Variants in C16orf89 observed in about 807,000 individuals in gnomAD.
The protein encoded by C16orf89 is chromosome 16 open reading frame 89, also known as UPF0764 protein C16orf89.
C16orf89 carries 57 observed loss-of-function variants against 41.5 expected under a neutral mutation model. The observed-to-expected ratio is 1.38, with a 90% CI of 1.11 to 1.71. C16orf89 has a LOEUF of 1.71. C16orf89 is among the 40% of genes most tolerant of loss of function. The pLI, the probability that C16orf89 is intolerant of heterozygous loss-of-function variation, is 0.00. For synonymous variants in C16orf89, 223 were observed against 190.6 expected, an observed-to-expected ratio of 1.17 and a Z score of -1.40; for missense variants, 575 against 445.9, an observed-to-expected ratio of 1.29 and a Z score of -2.61.
intron 2 of C16orf89, 25 bp from the exon 3 acceptor site, chr16:5,060,461 G>T (rs1490089092): frequency 6.2e-7 from 1 of 1,601,998 alleles, no homozygotes; most frequent in African/African-American, 1.3e-5. Flanking sequence ...AGATAGATGG[G>T]GTGGGGTGTG....
chr16:5,061,971 C>T lies in C16orf89; in HGVS notation c.358+454G>A, dbSNP rs377013646. The stretch of plus-strand genomic sequence containing the variant: ...TCATAAGGCATGAGAAAGATAAACC[C>T]CACTGTTTTGAAAAATAGTGTGTGG... On this transcript the variant is annotated intron_variant, in intron 2 of 7. Transcript: ENST00000472572. Among the ~76,000 whole-genome samples, 3 of 152,112 alleles carry T rather than the reference C, an allele frequency of 2.0e-5. No homozygotes were observed. The East Asian group carries it at 5.8e-4, about 29-fold the overall frequency.
rs1293789733 is a variant in C16orf89 at position 5,065,792 on chromosome 16, G to C, written c.117C>G (p.Ile39Met). The change falls in exon 1 of 8, where the codon ATC becomes ATG. Residue 39 changes from isoleucine to methionine, a missense_variant. Ile to Met is a conservative substitution (Grantham distance 10). Transcript: ENST00000472572. ...AESKATIADL[I>M]LSALERATVF... ...CGGTGGCTCTCTCCAGCGCAGACAGGATCAGGTCTGCAATGGTGGCTTTAC... is the reference window on the plus strand; with the variant it reads ...CGGTGGCTCTCTCCAGCGCAGACAGCATCAGGTCTGCAATGGTGGCTTTAC... 2 of 1,614,162 alleles carry C rather than the reference G, an allele frequency of 1.2e-6. No individual in the cohort carries two copies. Among genetic ancestry groups the C allele is most frequent in the Non-Finnish European group, 8.5e-7 (1 of 1,179,954 alleles).
At chr16:5,051,540 G>T (rs1956397144) in intron 6 of C16orf89, among the ~76,000 whole-genome samples, 1 of 152,108 alleles carries the variant, frequency 6.6e-6, no homozygotes, top group African/African-American at 2.4e-5. Context: ...ACTGATGAAA[G>T]AAATTGAAGA....
chr16:5,063,072 C>A (rs151035218), intron 1 of C16orf89, among the ~76,000 whole-genome samples: 2 of 152,070 alleles, frequency 1.3e-5, no homozygotes, highest in African/African-American at 2.4e-5. Flanking sequence ...CACAGAGGTA[C>A]CCTGTGGGCT....
intron 2 of C16orf89, among the ~76,000 whole-genome samples, chr16:5,060,793 C>T (rs1289855526): frequency 1.3e-5 from 2 of 151,822 alleles, no homozygotes; most frequent in African/African-American, 2.4e-5. Flanking sequence ...TGAGGCCCAA[C>T]GTTCAAGACC....
intron 4 of C16orf89, among the ~76,000 whole-genome samples, chr16:5,056,587 G>A (rs955038775): frequency 6.6e-6 from 1 of 152,114 alleles, no homozygotes; most frequent in East Asian, 1.9e-4. Context: ...GCAATGCAAT[G>A]TACAACGAGC....
chr16:5,056,151 T>C lies in C16orf89; in HGVS notation c.665A>G (p.Asp222Gly). 1 of 1,595,354 alleles carries C rather than the reference T, an allele frequency of 6.3e-7. No homozygotes were observed. Among genetic ancestry groups the C allele is most frequent in the Middle Eastern group, 1.7e-4 (1 of 6,014 alleles). Reference protein sequence around the residue: ...CTQGPLQQSQDYINLFCANMM... With the variant: ...CTQGPLQQSQGYINLFCANMM... ...GTTGGCGCAGAAGAGGTTGATATAGTCCTGGCTCTGTTGGAGTGGTCCCTG... is the reference window on the plus strand; with the variant it reads ...GTTGGCGCAGAAGAGGTTGATATAGCCCTGGCTCTGTTGGAGTGGTCCCTG... Residue 222 changes from aspartate (D) to glycine (G), a missense_variant, in exon 5 of 8, where the codon GAC (aspartate) becomes GGC (glycine). Asp to Gly is a moderately conservative substitution (Grantham distance 94). Transcript: ENST00000472572.
intron 2 of C16orf89, 27 bp downstream of exon 2, chr16:5,062,398 G>A: frequency 6.3e-7 from 1 of 1,589,948 alleles, no homozygotes; most frequent in Non-Finnish European, 8.6e-7. Flanking sequence ...TATTCCTGAG[G>A]GAATGGGACA....
At chr16:5,051,300 A>G (rs1956391657) in intron 6 of C16orf89, among the ~76,000 whole-genome samples, 1 of 152,200 alleles carries the variant, frequency 6.6e-6, no homozygotes, top group Non-Finnish European at 1.5e-5. Context: ...TAGACAGGAA[A>G]CCCTAAAAGC....
chr16:5,044,253 C>A lies in C16orf89; in HGVS notation c.*95G>T. On this transcript the variant is annotated 3_prime_UTR_variant, in exon 8 of 8. Transcript: ENST00000472572. ...GCTTTGCTTATCCTCCAGATGCCTT[C>A]TTCCCAGGATGTGATCCGTGCCCTC... 1.4e-6 allele frequency: 2 copies of A among 1,464,456 alleles called. No homozygotes were observed. Among genetic ancestry groups the A allele is most frequent in the Non-Finnish European group, 1.8e-6 (2 of 1,112,316 alleles). 90.7% of individuals were successfully genotyped at this position (1,464,456 alleles called of 1,614,324 possible).
intron 1 of C16orf89, among the ~76,000 whole-genome samples, chr16:5,063,265 G>A (rs1045934069): frequency 1.3e-5 from 2 of 152,154 alleles, no homozygotes; most frequent in Non-Finnish European, 2.9e-5. Flanking sequence ...GGTTAAGAAG[G>A]ATGCTGAGGT....
chr16:5,044,510 G>T, intron 7 of C16orf89, 32 bp from the exon 8 acceptor site: 1 of 1,611,072 alleles, frequency 6.2e-7, no homozygotes, highest in South Asian at 1.1e-5. Context: ...AGTGCTGGGT[G>T]GCAAGAACCT....
intron 5 of C16orf89, 92 bp downstream of exon 5, chr16:5,055,961 G>A: frequency 1.4e-6 from 1 of 703,474 alleles, no homozygotes; most frequent in Non-Finnish European, 2.3e-6. Context: ...GTGTGTGTGT[G>A]TGTGTGTGTG....
In C16orf89 at chr16:5,048,205, A is replaced by T. The variant is rs564940397; in HGVS notation, c.869-241T>A. 2.2e-3 allele frequency among the ~76,000 whole-genome samples: 328 copies of T among 151,256 alleles called. 2 individuals carry two copies. Among genetic ancestry groups the T allele is most frequent in the Non-Finnish European group, 3.5e-3 (237 of 67,764 alleles). Reference sequence around the variant, plus strand: ...TACCATGTCCAGCTATTTAAAAAAAATTTTTTTTTGGTAGAGATGGGGTCT... The same window carrying T: ...TACCATGTCCAGCTATTTAAAAAAATTTTTTTTTTGGTAGAGATGGGGTCT... On this transcript the variant is annotated intron_variant, in intron 6 of 7. Transcript: ENST00000472572.
In C16orf89 at chr16:5,044,350, A is replaced by C. The variant is rs1956254158; in HGVS notation, c.1084T>G (p.Ter362GlyextTer21). The C allele has an allele frequency of 4.4e-6, 7 of 1,602,734 alleles. No individual in the cohort carries two copies. The highest frequency in any genetic ancestry group is 5.1e-6 in the Non-Finnish European group (6 of 1,175,326). Reference sequence around the variant, plus strand: ...CAGCTGGCATGGAACCGTCCGTCTCAGCGGCTGCTTGGTGGTGGCGGTGTG... The same window carrying C: ...CAGCTGGCATGGAACCGTCCGTCTCCGCGGCTGCTTGGTGGTGGCGGTGTG... Reference protein sequence around the residue: ...PSTPPPPSSR* With the variant: ...PSTPPPPSSRG The change falls in exon 8 of 8, where the codon TGA becomes GGA. Residue 362 changes from the stop codon to glycine (G), a stop_lost. Transcript: ENST00000472572.
intron 6 of C16orf89, among the ~76,000 whole-genome samples, chr16:5,052,802 G>T (rs1454490829): frequency 6.6e-6 from 1 of 152,094 alleles, no homozygotes; most frequent in African/African-American, 2.4e-5. Flanking sequence ...AAAGGAAATT[G>T]GTATGTTGAA....
chr16:5,058,489 T>C lies in C16orf89; in HGVS notation c.627+4A>G, dbSNP rs944404311. On this transcript the variant is annotated splice_donor_region_variant and intron_variant, in intron 4 of 7. Coordinates refer to ENST00000472572, the MANE Select transcript of C16orf89 (RefSeq NM_001098514.3). The stretch of plus-strand genomic sequence containing the variant: ...GGCACGGCGGGGGCTCCCTGGGCAC[T>C]CACCATTCTGGCCCAGAGGAAGAAG... The C allele has an allele frequency of 3.1e-6, 5 of 1,596,804 alleles. No individual in the cohort carries two copies. Among genetic ancestry groups the C allele is most frequent in the Admixed American group, 3.3e-5 (2 of 59,784 alleles).
chr16:5,056,251 C>G (rs1415836636), intron 4 of C16orf89, 63 bp from the exon 5 acceptor site: 39 of 1,479,770 alleles, frequency 2.6e-5, no homozygotes, highest in Non-Finnish European at 3.5e-5. Flanking sequence ...ACACGCCCTG[C>G]TATGGGAAAG....
chr16:5,044,612 T>C, intron 7 of C16orf89, 134 bp from the exon 8 acceptor site: 2 of 1,482,910 alleles, frequency 1.3e-6, no homozygotes, highest in Non-Finnish European at 9.1e-7. Flanking sequence ...GAGCCTGAGG[T>C]GGGCGGATCT....
Sources: allele counts gnomAD v4.1 joint callset (sites outside exome capture counted in the v4.1 genomes callset), GRCh38; gene constraint gnomAD v4.1.1; transcripts MANE v1.5; gene names NCBI Gene and HGNC (gene_info 2026-07-23, HGNC 2026-07-21).